Variants in TMEM220 observed in about 807,000 individuals in gnomAD.
TMEM220 encodes the protein transmembrane protein 220.
In TMEM220, 21 loss-of-function variants were observed where a neutral mutation model predicts 21.7. That is an observed-to-expected ratio of 0.97 (90% confidence interval 0.69 to 1.39). The LOEUF is 1.39. TMEM220 is among the 40% of genes most tolerant of loss of function. The pLI, the probability that TMEM220 is intolerant of heterozygous loss-of-function variation, is 0.00. For synonymous variants in TMEM220, 80 were observed against 73.6 expected (o/e 1.09, Z -0.45); for missense variants, 191 against 201.9 (o/e 0.95, Z 0.33).
chr17:10,724,962 G>C (rs941676674), intron 4 of TMEM220, 49 bp downstream of exon 4: 1 of 1,612,156 alleles, frequency 6.2e-7, no homozygotes, highest in African/African-American at 1.3e-5. Flanking sequence ...CGATTCCTTA[G>C]TTCTATCCCA....
Position 10,715,314 on chromosome 17 carries a change from T to C in TMEM220, c.*139A>G, listed in dbSNP as rs2074898829. 6 of 703,478 alleles carry C rather than the reference T, an allele frequency of 8.5e-6. No individual in the cohort carries two copies. Among genetic ancestry groups the C allele is most frequent in the Admixed American group, 3.7e-5 (1 of 27,314 alleles). The allele number at this position is 703,478 out of a possible 1,614,324, so 43.6% of individuals were successfully genotyped here. ...TCCCATCCAATCTTACATCGAATTATATGCACCCTTAAAAAGTTATTTGGA... is the reference window on the plus strand; with the variant it reads ...TCCCATCCAATCTTACATCGAATTACATGCACCCTTAAAAAGTTATTTGGA... On this transcript the variant is annotated 3_prime_UTR_variant, in exon 6 of 6. Coordinates refer to ENST00000341871, the MANE Select transcript of TMEM220 (RefSeq NM_001004313.3).
chr17:10,728,771 A>G (rs417151), intron 2 of TMEM220, among the ~76,000 whole-genome samples: 77,254 of 152,038 alleles, frequency 0.51, 20,364 homozygotes, highest in African/African-American at 0.65. Context: ...TCCTCAAGAA[A>G]GTCCTCAGTT....
At chr17:10,721,326 T>C (rs2074985649) in intron 5 of TMEM220, among the ~76,000 whole-genome samples, 1 of 152,110 alleles carries the variant, frequency 6.6e-6, no homozygotes, top group Admixed American at 6.6e-5. Context: ...ATGTTTAAAC[T>C]GGCCGGGTGC....
chr17:10,715,340 GT>G lies in TMEM220; in HGVS notation c.*112del. On this transcript the variant is annotated 3_prime_UTR_variant, in exon 6 of 6. Coordinates refer to ENST00000341871, the MANE Select transcript of TMEM220 (RefSeq NM_001004313.3). The stretch of plus-strand genomic sequence containing the variant: ...ATGCACCCTTAAAAAGTTATTTGGA[GT>G]TTTAAAACTATTAGCCCAAATTACC... 2 of 880,076 alleles carry G rather than the reference GT, an allele frequency of 2.3e-6. No homozygotes were observed. The highest frequency in any genetic ancestry group is 3.6e-5 in the South Asian group (2 of 54,828). 54.5% of individuals were successfully genotyped at this position (880,076 alleles called of 1,614,324 possible).
intron 5 of TMEM220, among the ~76,000 whole-genome samples, chr17:10,719,156 T>C (rs993157688): frequency 8.9e-6 from 1 of 112,200 alleles, no homozygotes; most frequent in African/African-American, 4.1e-5. Flanking sequence ...CTTTGGCATC[T>C]TGAATCTACT....
At chr17:10,723,781 G>A (rs1290624455) in intron 4 of TMEM220, among the ~76,000 whole-genome samples, 1 of 151,692 alleles carries the variant, frequency 6.6e-6, no homozygotes, top group African/African-American at 2.4e-5. Context: ...TATACTACAA[G>A]AGATTGGGTC....
At chr17:10,712,309 TCTTGCAAGGACA>T (rs1466335683), downstream of TMEM220, among the ~76,000 whole-genome samples, 1 of 152,240 alleles carries the variant, frequency 6.6e-6, no homozygotes, top group Non-Finnish European at 1.5e-5. Flanking sequence ...TCAGCCTTCG[TCTTGCAAGGACA>T]CTTGTGGTAA....
intron 5 of TMEM220, among the ~76,000 whole-genome samples, chr17:10,721,034 G>A (rs431094): frequency 0.51 from 78,136 of 152,054 alleles, 20,874 homozygotes; most frequent in African/African-American, 0.66. Flanking sequence ...ATATGTGTAC[G>A]TGTATATATT....
chr17:10,716,239 A>G lies in TMEM220; in HGVS notation c.348-651T>C, dbSNP rs533083511. 90 of 831,272 alleles carry G rather than the reference A, an allele frequency of 1.1e-4. 1 individual carries two copies. The South Asian group carries it at 1.1e-3, about 11-fold the overall frequency. The allele number at this position is 831,272 out of a possible 1,614,324, so 51.5% of individuals were successfully genotyped here. On this transcript the variant is annotated intron_variant, in intron 5 of 5. Transcript: ENST00000341871. ...TGTAAAAGAAATGTGTTCATCTCCAATAATGATTTCAAGCTCCTGCCGGCC... is the reference window on the plus strand; with the variant it reads ...TGTAAAAGAAATGTGTTCATCTCCAGTAATGATTTCAAGCTCCTGCCGGCC...
Position 10,715,337 on chromosome 17 carries a change from G to T in TMEM220, c.*116C>A. 4.6e-6 allele frequency: 4 copies of T among 867,150 alleles called. No individual in the cohort carries two copies. The highest frequency in any genetic ancestry group is 6.6e-6 in the Non-Finnish European group (4 of 603,838). 53.7% of individuals were successfully genotyped at this position (867,150 alleles called of 1,614,324 possible). On this transcript the variant is annotated 3_prime_UTR_variant, in exon 6 of 6. Transcript: ENST00000341871. ...TATATGCACCCTTAAAAAGTTATTT[G>T]GAGTTTTAAAACTATTAGCCCAAAT... is the stretch of plus-strand genomic sequence containing the variant.
chr17:10,727,602 T>C (rs915133308), intron 2 of TMEM220, among the ~76,000 whole-genome samples: 1 of 152,154 alleles, frequency 6.6e-6, no homozygotes, highest in East Asian at 1.9e-4. Context: ...GAATTCAAGA[T>C]ACGGACCAGG....
intron 4 of TMEM220, 108 bp from the exon 5 acceptor site, chr17:10,723,437 C>G: frequency 1.2e-6 from 1 of 803,616 alleles, no homozygotes; most frequent in South Asian, 1.4e-5. Flanking sequence ...GAGTGACTGA[C>G]TCTCCCTCAA....
intron 4 of TMEM220, among the ~76,000 whole-genome samples, 154 bp from the exon 5 acceptor site, chr17:10,723,483 C>A (rs995653188): frequency 6.6e-6 from 1 of 152,124 alleles, no homozygotes; most frequent in East Asian, 1.9e-4. Context: ...TCAAATCTGA[C>A]CATGATTCAT....
At position 10,715,586 on chromosome 17, in the gene TMEM220, T is replaced by C; in HGVS notation, c.350A>G (p.Asn117Ser). 1 of 1,586,762 alleles carries C rather than the reference T, an allele frequency of 6.3e-7. No homozygotes were observed. Among genetic ancestry groups the C allele is most frequent in the Non-Finnish European group, 8.5e-7 (1 of 1,173,304 alleles). Residue 117 changes from asparagine (N) to serine (S), a missense_variant and splice_region_variant, in exon 6 of 6, where the codon AAT (asparagine) becomes AGT (serine). By Grantham distance (46) the Asn-to-Ser change is conservative. Coordinates refer to ENST00000341871, the MANE Select transcript of TMEM220 (RefSeq NM_001004313.3). ...CAATTGAATTCTTCCACCAACTGGA[T>C]TCCTATAAAGACACAAAAATTATTA... ...WIILCHSSSK[N>S]PVGGRIQLAI...
At chr17:10,718,327 T>G (rs1426934247) in intron 5 of TMEM220, among the ~76,000 whole-genome samples, 1 of 152,222 alleles carries the variant, frequency 6.6e-6, no homozygotes, top group East Asian at 1.9e-4. Flanking sequence ...ATTTGTTATT[T>G]GTACTTCCTT....
At chr17:10,720,668 A>G (rs1283511792) in intron 5 of TMEM220, among the ~76,000 whole-genome samples, 3 of 152,182 alleles carry the variant, frequency 2.0e-5, no homozygotes, top group Non-Finnish European at 4.4e-5. Context: ...ATATCAATAT[A>G]TTTTCAATAC....
chr17:10,725,221 C>G lies in TMEM220; in HGVS notation c.164-87G>C, dbSNP rs1434892201. The G allele has an allele frequency of 1.9e-6, 3 of 1,553,488 alleles. No individual in the cohort carries two copies. The African/African-American group carries it at 4.1e-5, about 21-fold the overall frequency. On this transcript the variant is annotated intron_variant, in intron 3 of 5. Transcript: ENST00000341871. The stretch of plus-strand genomic sequence containing the variant: ...ATCTTTTTGTATGTTTTGCCATAGT[C>G]TGCTTTCAGAAAAGACATTCAGACT...
At chr17:10,716,558 A>C (rs1047927810) in intron 5 of TMEM220, 28 of 585,980 alleles carry the variant, frequency 4.8e-5, no homozygotes, top group Admixed American at 1.7e-4. Context: ...AGAAAGCTGC[A>C]CCACCGCGGT....
Position 10,722,387 on chromosome 17 carries a change from A to G in TMEM220, c.347+883T>C, listed in dbSNP as rs140726129. 2.0e-3 allele frequency among the ~76,000 whole-genome samples: 312 copies of G among 152,238 alleles called. 9 individuals carry two copies. Among genetic ancestry groups the G allele is most frequent in the Admixed American group, 0.017 (263 of 15,292 alleles). Reference sequence around the variant, plus strand: ...TTACATTTAATGTAATTTCTGATATATTTGGGTTTAAATCTATATCTTAAC... The same window carrying G: ...TTACATTTAATGTAATTTCTGATATGTTTGGGTTTAAATCTATATCTTAAC... On this transcript the variant is annotated intron_variant, in intron 5 of 5. Transcript: ENST00000341871.
Sources: allele counts gnomAD v4.1 joint callset (sites outside exome capture counted in the v4.1 genomes callset), GRCh38; gene constraint gnomAD v4.1.1; transcripts MANE v1.5; gene names NCBI Gene and HGNC (gene_info 2026-07-23, HGNC 2026-07-21).